Variants in SMARCA1 observed in about 807,000 individuals in gnomAD.
SMARCA1 encodes SNF2 related chromatin remodeling ATPase 1.
In SMARCA1, 17 loss-of-function variants were observed where a neutral mutation model predicts 93.6. That is an observed-to-expected ratio of 0.18 (90% confidence interval 0.12 to 0.27). The LOEUF is 0.27. Among genes scored for constraint, SMARCA1 ranks in the 10% least tolerant of loss-of-function variants. The pLI is 1.00. For missense variants in SMARCA1, 630 were observed against 819.0 expected, an observed-to-expected ratio of 0.77 and a Z score of 2.82; for synonymous variants, 271 against 271.4, an observed-to-expected ratio of 1.00 and a Z score of 0.01.
chrX:129,481,792 A>G (rs1186188827), intron 17 of SMARCA1, among the ~76,000 whole-genome samples: 1 of 111,485 alleles, frequency 9.0e-6, no homozygotes, highest in Admixed American at 9.5e-5. Context: ...AGGGATCTAG[A>G]ACTAGAAATA....
At chrX:129,507,829 G>A in intron 7 of SMARCA1, 112 bp downstream of exon 7, 1 of 497,869 alleles carries the variant, frequency 2.0e-6, no homozygotes, top group Non-Finnish European at 3.2e-6. Context: ...TGGGATTACA[G>A]GCGTGAGCCA....
At chrX:129,452,185 C>A (rs1282393887) in intron 23 of SMARCA1, among the ~76,000 whole-genome samples, 2 of 112,475 alleles carry the variant, frequency 1.8e-5, no homozygotes, top group Non-Finnish European at 3.8e-5. Context: ...AAAGCACATT[C>A]TTTTTCTATA....
chrX:129,448,284 TAA>T, intron 24 of SMARCA1, 47 bp downstream of exon 24: 3 of 1,140,203 alleles, frequency 2.6e-6, no homozygotes, highest in Non-Finnish European at 3.6e-6. Flanking sequence ...TTTAATTATG[TAA>T]AAAAATGGGA....
At chrX:129,507,736 T>G (rs964257047) in intron 7 of SMARCA1, among the ~76,000 whole-genome samples, 4 of 111,896 alleles carry the variant, frequency 3.6e-5, no homozygotes, top group African/African-American at 1.3e-4. Context: ...GTATTTTTAG[T>G]AGAGACGGGG....
intron 1 of SMARCA1, 45 bp from the exon 2 acceptor site, chrX:129,518,492 G>T: frequency 4.9e-6 from 4 of 823,162 alleles, no homozygotes; most frequent in Non-Finnish European, 7.2e-6. Context: ...GCAAAGCAAG[G>T]TTCTTAAACT....
At chrX:129,475,540 GCAGA>G (rs957787820) in intron 19 of SMARCA1, among the ~76,000 whole-genome samples, 10 of 111,447 alleles carry the variant, frequency 9.0e-5, no homozygotes, top group African/African-American at 3.3e-4. Flanking sequence ...AAAGAATTAA[GCAGA>G]CAAATTACAG....
intron 1 of SMARCA1, among the ~76,000 whole-genome samples, chrX:129,520,495 C>A (rs1173690698): frequency 3.6e-5 from 4 of 111,087 alleles, no homozygotes; most frequent in Non-Finnish European, 7.6e-5. Flanking sequence ...CATTCAGAAA[C>A]CTATTTTCTT....
chrX:129,475,247 G>A (rs948389914), intron 19 of SMARCA1, among the ~76,000 whole-genome samples: 2 of 109,978 alleles, frequency 1.8e-5, no homozygotes, highest in Non-Finnish European at 3.8e-5. Flanking sequence ...GGCCAGGCAC[G>A]GTGGCTCACA....
chrX:129,489,956 T>C (rs1934057504), intron 15 of SMARCA1, 104 bp downstream of exon 15: 3 of 553,052 alleles, frequency 5.4e-6, no homozygotes, highest in Non-Finnish European at 2.9e-6. Context: ...ATTTTTCCTC[T>C]AAGTTTTCAA....
At chrX:129,453,652 TAGAC>T (rs758997092) in intron 23 of SMARCA1, among the ~76,000 whole-genome samples, 13 of 110,487 alleles carry the variant, frequency 1.2e-4, no homozygotes, top group Admixed American at 5.8e-4. Flanking sequence ...AAACCAATAA[TAGAC>T]AGAGAGCCAA....
intron 23 of SMARCA1, among the ~76,000 whole-genome samples, chrX:129,457,230 G>A (rs976278721): frequency 1.8e-5 from 2 of 112,381 alleles, no homozygotes; most frequent in Non-Finnish European, 3.8e-5. Flanking sequence ...TTTAATTAAA[G>A]TAAGTACTTT....
intron 17 of SMARCA1, among the ~76,000 whole-genome samples, chrX:129,485,801 G>GTC (rs1485110576): frequency 2.7e-5 from 3 of 110,254 alleles, no homozygotes; most frequent in Non-Finnish European, 3.8e-5. Context: ...CTCTGGTACT[G>GTC]TCTCTCTCTC....
Position 129,481,118 on chromosome X carries a change from T to G in SMARCA1, c.2285A>C (p.Tyr762Ser). Residue 762 changes from tyrosine to serine, a missense_variant, in exon 18 of 25, where the codon TAC (tyrosine) becomes TCC (serine). This residue lies in a region of SMARCA1 where 382 missense variants were observed against 537.9 expected (regional missense o/e 0.71). Coordinates refer to ENST00000371121, the MANE Select transcript of SMARCA1 (RefSeq NM_001282874.2). Reference protein sequence around the residue: ...ERKANYAVDAYFREALRVSEP... With the variant: ...ERKANYAVDASFREALRVSEP... ...GCTGACACGCAAAGCCTCTCTAAAG[T>G]AGGCATCCACTGCGTAGTTTGCTTT... 1 of 1,207,339 alleles carries G rather than the reference T, an allele frequency of 8.3e-7. No homozygotes were observed. The highest frequency in any genetic ancestry group is 1.1e-6 in the Non-Finnish European group (1 of 891,907).
intron 19 of SMARCA1, among the ~76,000 whole-genome samples, chrX:129,477,015 C>T (rs950067543): frequency 9.0e-6 from 1 of 111,494 alleles, no homozygotes; most frequent in Non-Finnish European, 1.9e-5. Flanking sequence ...CACCTAAATC[C>T]TCAGCTAAGC....
In SMARCA1 at chrX:129,504,549, T is replaced by TAAAAAAAAAAA. The variant is rs780225300; in HGVS notation, c.1167+174_1167+184dup. 1.2e-3 allele frequency among the ~76,000 whole-genome samples: 28 copies of TAAAAAAAAAAA among 24,201 alleles called. 2 individuals are homozygous for TAAAAAAAAAAA. Among genetic ancestry groups the TAAAAAAAAAAA allele is most frequent in the African/African-American group, 3.4e-3 (24 of 7,003 alleles). The allele number at this position is 24,201 out of a possible 115,157, so 21.0% of individuals were successfully genotyped here. ...GAGAGAGGCTGAGGACATAGAGGAA[T>TAAAAAAAAAAA]AAAAAAAAAAAAAAAAAAAAAAAAA... On this transcript the variant is annotated intron_variant, in intron 9 of 24. Coordinates refer to ENST00000371121, the MANE Select transcript of SMARCA1 (RefSeq NM_001282874.2).
chrX:129,458,183 G>T (rs187031465), intron 23 of SMARCA1, among the ~76,000 whole-genome samples: 1 of 112,261 alleles, frequency 8.9e-6, no homozygotes, highest in East Asian at 2.8e-4. Context: ...CCAAGAAAAT[G>T]TTACTTATGA....
In SMARCA1 at chrX:129,516,377, G is replaced by C; in HGVS notation, c.382C>G (p.Pro128Ala). 8.3e-7 allele frequency: 1 copy of C among 1,209,768 alleles called. No homozygotes were observed. The highest frequency in any genetic ancestry group is 1.1e-6 in the Non-Finnish European group (1 of 894,076). ...TGCTTTTCATCTTTCTTTATTCGGGGACGTCCCAATTTCATGTTCAGTGGA... is the reference window on the plus strand; with the variant it reads ...TGCTTTTCATCTTTCTTTATTCGGGCACGTCCCAATTTCATGTTCAGTGGA... The part of the protein sequence containing the change: ...TSPLNMKLGR[P>A]RIKKDEKQSL... The change falls in exon 3 of 25, where the codon CCC becomes GCC. Residue 128 changes from proline (P) to alanine (A), a missense_variant. By Grantham distance (27) the Pro-to-Ala change is conservative. Coordinates refer to ENST00000371121, the MANE Select transcript of SMARCA1 (RefSeq NM_001282874.2).
At chrX:129,465,444 T>C in intron 23 of SMARCA1, 76 bp downstream of exon 23, 1 of 623,329 alleles carries the variant, frequency 1.6e-6, no homozygotes. Context: ...TTGGAGAATC[T>C]AGGTGAAGGA....
At position 129,506,037 on chromosome X, in the gene SMARCA1, G is replaced by A. The variant is rs2124319434; in HGVS notation, c.1098+43C>T. Reference sequence around the variant, plus strand: ...ATAATGTTTTAAAACACATGTCAGTGAAAATAAGAAAGTTATACTTAAAAC... The same window carrying A: ...ATAATGTTTTAAAACACATGTCAGTAAAAATAAGAAAGTTATACTTAAAAC... On this transcript the variant is annotated intron_variant, in intron 8 of 24. Coordinates refer to ENST00000371121, the MANE Select transcript of SMARCA1 (RefSeq NM_001282874.2). 5.0e-6 allele frequency: 5 copies of A among 1,005,630 alleles called. No individual in the cohort carries two copies. The East Asian group carries it at 9.3e-5, about 19-fold the overall frequency. The allele number at this position is 1,005,630 out of a possible 1,213,427, so 82.9% of individuals were successfully genotyped here. A position where few individuals can be genotyped will look rare whatever the true frequency, so the allele number is the denominator to read the frequency against.
Sources: allele counts gnomAD v4.1 joint callset (sites outside exome capture counted in the v4.1 genomes callset), GRCh38; gene constraint gnomAD v4.1.1; regional missense constraint gnomAD v4.1.1; transcripts MANE v1.5; gene names NCBI Gene and HGNC (gene_info 2026-07-23, HGNC 2026-07-21).